EYA1: variants seen among roughly 807,000 people sequenced by gnomAD.
EYA1 encodes the protein protein phosphatase EYA1.
In EYA1, 16 loss-of-function variants were observed where a neutral mutation model predicts 82.0. The ratio of observed to expected loss-of-function variants is 0.20; its 90% CI spans 0.13 to 0.30. The LOEUF is 0.30. Ranked by LOEUF, EYA1 falls within the 10% of genes least tolerant of loss-of-function variation. The pLI, the probability that EYA1 is intolerant of heterozygous loss-of-function variation, is 1.00. For missense variants in EYA1, 633 were observed against 730.7 expected, an observed-to-expected ratio of 0.87 and a Z score of 1.54; for synonymous variants, 261 against 264.4, an observed-to-expected ratio of 0.99 and a Z score of 0.12.
intron 2 of EYA1, among the ~76,000 whole-genome samples, chr8:71,386,412 T>C (rs1828967853): frequency 6.6e-6 from 1 of 152,234 alleles, no homozygotes; most frequent in African/African-American, 2.4e-5. Flanking sequence ...TGCTGGCTCT[T>C]CCAAGGTTTT....
At chr8:71,419,810 TGAA>T (rs1169832615) in intron 2 of EYA1, among the ~76,000 whole-genome samples, 1 of 152,072 alleles carries the variant, frequency 6.6e-6, no homozygotes, top group Non-Finnish European at 1.5e-5. Flanking sequence ...ATTTGATAAA[TGAA>T]TAATAATAGA....
chr8:71,398,750 C>CA (rs1335808719), intron 2 of EYA1, among the ~76,000 whole-genome samples: 4 of 152,210 alleles, frequency 2.6e-5, no homozygotes, highest in African/African-American at 9.6e-5. Flanking sequence ...GTCAGGGACC[C>CA]ACTTGAGGAG....
rs140026923 is a variant in EYA1 at position 71,439,376 on chromosome 8, G to A, written c.34-82865C>T. Reference sequence around the variant, plus strand: ...CCAGTCACTATAAGTTGGAGGTGGGGGTAAAGGGGGTATGGAAAGAAACTT... The same window carrying A: ...CCAGTCACTATAAGTTGGAGGTGGGAGTAAAGGGGGTATGGAAAGAAACTT... On this transcript the variant is annotated intron_variant, in intron 2 of 18. Coordinates refer to the EYA1 transcript ENST00000643681. 5.4e-3 allele frequency among the ~76,000 whole-genome samples: 816 copies of A among 152,222 alleles called. 4 individuals are homozygous for A. Among genetic ancestry groups the A allele is most frequent in the African/African-American group, 0.019 (770 of 41,538 alleles).
rs186867456 is a variant in EYA1, at chr8:71,394,080, A to C, written c.34-37569T>G. On this transcript the variant is annotated intron_variant, in intron 2 of 18. Coordinates refer to the EYA1 transcript ENST00000643681. ...TTTTTCAGTGTCTGTTGGCTGCATA[A>C]ATGTCTTCTTTTGAGAAGTGTCTGT... Among the ~76,000 whole-genome samples, 844 of 152,256 alleles carry C rather than the reference A, an allele frequency of 5.5e-3. 12 individuals are homozygous for C. Among genetic ancestry groups the C allele is most frequent in the Non-Finnish European group, 5.4e-3 (366 of 68,024 alleles).
At chr8:71,200,542 T>C (rs1806846842) in intron 17 of EYA1, among the ~76,000 whole-genome samples, 2 of 151,560 alleles carry the variant, frequency 1.3e-5, no homozygotes, top group African/African-American at 4.9e-5. Flanking sequence ...CTCAAGACTA[T>C]TTTGGTGTAT....
At chr8:71,324,892 A>G (rs771274693) in intron 4 of EYA1, among the ~76,000 whole-genome samples, 2 of 152,138 alleles carry the variant, frequency 1.3e-5, no homozygotes, top group South Asian at 2.1e-4. Context: ...TTAGGTCCCA[A>G]TAATGATGTC....
intron 2 of EYA1, among the ~76,000 whole-genome samples, chr8:71,381,928 G>C (rs993598669): frequency 9.2e-5 from 14 of 152,170 alleles, no homozygotes; most frequent in Non-Finnish European, 1.9e-4. Flanking sequence ...ACACACATGG[G>C]CACAGATCCA....
chr8:71,254,920 A>T (rs932687615), intron 11 of EYA1, among the ~76,000 whole-genome samples: 4 of 151,336 alleles, frequency 2.6e-5, no homozygotes, highest in African/African-American at 9.7e-5. Flanking sequence ...AAAACAACAC[A>T]CAAAAATCAG....
At chr8:71,275,463 T>C (rs1002146749) in intron 9 of EYA1, among the ~76,000 whole-genome samples, 17 of 152,132 alleles carry the variant, frequency 1.1e-4, no homozygotes, top group African/African-American at 2.7e-4. Context: ...ACTCTGAAGC[T>C]CCATAAAGAA....
intron 3 of EYA1, among the ~76,000 whole-genome samples, chr8:71,335,798 AACACAC>A (rs3837168): frequency 9.3e-5 from 14 of 150,658 alleles, no homozygotes; most frequent in Admixed American, 7.3e-4. Context: ...CCTCCTTAAA[AACACAC>A]ACACACACAC....
At chr8:71,513,329 C>G (rs1812739193) in intron 2 of EYA1, among the ~76,000 whole-genome samples, 1 of 151,912 alleles carries the variant, frequency 6.6e-6, no homozygotes, top group South Asian at 2.1e-4. Flanking sequence ...TAAAAAATAA[C>G]TGTAAGATGG....
intron 2 of EYA1, among the ~76,000 whole-genome samples, chr8:71,384,892 A>T (rs1365380984): frequency 5.3e-5 from 8 of 152,216 alleles, no homozygotes; most frequent in Non-Finnish European, 7.3e-5. Flanking sequence ...TGTAGTGTTG[A>T]TCATTAAGAC....
chr8:71,343,197 G>A (rs1014726144), intron 3 of EYA1, among the ~76,000 whole-genome samples: 2 of 152,090 alleles, frequency 1.3e-5, no homozygotes, highest in African/African-American at 4.8e-5. Context: ...CTGGTTTGAA[G>A]GTTACAGCAG....
intron 2 of EYA1, among the ~76,000 whole-genome samples, chr8:71,436,350 CATT>C (rs1177514934): frequency 6.6e-6 from 1 of 152,054 alleles, no homozygotes; most frequent in Non-Finnish European, 1.5e-5. Context: ...AAGAGAGAAT[CATT>C]ATTTACTTGT....
At chr8:71,428,237 T>C (rs953092493) in intron 2 of EYA1, among the ~76,000 whole-genome samples, 3 of 152,132 alleles carry the variant, frequency 2.0e-5, no homozygotes, top group Admixed American at 2.0e-4. Flanking sequence ...GATAAGCATG[T>C]TTTTTGGGGG....
chr8:71,380,182 C>CT (rs1828616293), intron 2 of EYA1, among the ~76,000 whole-genome samples: 1 of 152,264 alleles, frequency 6.6e-6, no homozygotes, highest in African/African-American at 2.4e-5. Flanking sequence ...TTAAATGTCA[C>CT]TTTTTTGTGG....
At chr8:71,367,292 G>A (rs1436728931) in intron 2 of EYA1, among the ~76,000 whole-genome samples, 1 of 152,026 alleles carries the variant, frequency 6.6e-6, no homozygotes, top group African/African-American at 2.4e-5. Context: ...TACCCAGTAT[G>A]ATATGCTTTA....
chr8:71,288,198 A>G (rs1287337391), intron 9 of EYA1, among the ~76,000 whole-genome samples: 1 of 152,244 alleles, frequency 6.6e-6, no homozygotes, highest in Non-Finnish European at 1.5e-5. Context: ...CATTACACTC[A>G]ATTCTCAATG....
intron 3 of EYA1, among the ~76,000 whole-genome samples, chr8:71,342,866 T>G (rs1367693817): frequency 6.6e-6 from 1 of 152,172 alleles, no homozygotes; most frequent in African/African-American, 2.4e-5. Flanking sequence ...AAAAGTCTTA[T>G]CTGCCTTAAC....
Sources: allele counts gnomAD v4.1 joint callset (sites outside exome capture counted in the v4.1 genomes callset), GRCh38; gene constraint gnomAD v4.1.1; transcripts MANE v1.5; gene names NCBI Gene and HGNC (gene_info 2026-07-23, HGNC 2026-07-21).